The following GALNTL6 variants were observed in gnomAD, a reference collection of about 807,000 sequenced individuals.
GALNTL6 encodes the protein polypeptide N-acetylgalactosaminyltransferase-like 6.
In GALNTL6, 46 loss-of-function variants were observed where a neutral mutation model predicts 73.7. That is an observed-to-expected ratio of 0.62 (90% CI 0.49 to 0.80). The LOEUF (loss-of-function observed/expected upper bound fraction) is 0.80, where lower values mean the gene tolerates loss of function less well. Ranked by LOEUF, GALNTL6 falls within the 30% of genes least tolerant of loss-of-function variation. GALNTL6 has a pLI of 0.00. For synonymous variants in GALNTL6, 259 were observed against 263.7 expected (o/e 0.98, Z 0.17); for missense variants, 604 against 755.0 (o/e 0.80, Z 2.34).
chr4:172,436,442 C>T (rs1037181267), intron 5 of GALNTL6, among the ~76,000 whole-genome samples: 3 of 152,072 alleles, frequency 2.0e-5, no homozygotes, highest in African/African-American at 7.2e-5. Context: ...CCAGGAGACA[C>T]CTGGGGGAGA....
intron 2 of GALNTL6, among the ~76,000 whole-genome samples, chr4:172,143,939 C>T (rs1733863318): frequency 6.6e-6 from 1 of 151,978 alleles, no homozygotes; most frequent in African/African-American, 2.4e-5. Flanking sequence ...TGGATTTTAT[C>T]TGTTATAAAT....
intron 5 of GALNTL6, among the ~76,000 whole-genome samples, chr4:172,662,344 C>T (rs113367089): frequency 0.013 from 2,024 of 152,302 alleles, 40 homozygotes; most frequent in African/African-American, 0.045. Flanking sequence ...CTGCCCTTCC[C>T]TAACCCCATG....
At chr4:172,009,184 A>G (rs966680594) in intron 2 of GALNTL6, among the ~76,000 whole-genome samples, 7 of 152,088 alleles carry the variant, frequency 4.6e-5, no homozygotes, top group African/African-American at 1.7e-4. Context: ...GCTAGTTTAT[A>G]TTATTATGCC....
intron 7 of GALNTL6, among the ~76,000 whole-genome samples, chr4:172,867,403 C>T (rs377685913): frequency 6.6e-6 from 1 of 152,084 alleles, no homozygotes; most frequent in South Asian, 2.1e-4. Context: ...GTCAGAAAAC[C>T]GAAGAGGGCT....
At chr4:172,363,732 A>T (rs1326144074) in intron 5 of GALNTL6, among the ~76,000 whole-genome samples, 2 of 152,172 alleles carry the variant, frequency 1.3e-5, no homozygotes, top group Non-Finnish European at 2.9e-5. Flanking sequence ...ATATTCACCC[A>T]TTTGCTCATC....
At chr4:171,835,937 C>T (rs1419753452) in intron 2 of GALNTL6, among the ~76,000 whole-genome samples, 1 of 151,810 alleles carries the variant, frequency 6.6e-6, no homozygotes, top group Non-Finnish European at 1.5e-5. Context: ...AGATAGGGTG[C>T]AATCAATTGA....
rs978799106 is a variant in GALNTL6, at chr4:172,979,118, A to G, written c.1371+26860A>G. 1.2e-4 allele frequency among the ~76,000 whole-genome samples: 19 copies of G among 152,372 alleles called. No individual in the cohort carries two copies. In the East Asian group the frequency reaches 3.5e-3, roughly 28 times the overall value. Reference sequence around the variant, plus strand: ...TACTAATAGTGGGTGTTGGTAGTACAAATATTTGCACATCCAAATTAATGG... The same window carrying G: ...TACTAATAGTGGGTGTTGGTAGTACGAATATTTGCACATCCAAATTAATGG... On this transcript the variant is annotated intron_variant, in intron 10 of 12. Transcript: ENST00000506823.
chr4:172,355,670 T>G (rs1028543172), intron 5 of GALNTL6, among the ~76,000 whole-genome samples: 1 of 152,136 alleles, frequency 6.6e-6, no homozygotes, highest in Non-Finnish European at 1.5e-5. Context: ...GTTTTCTGAC[T>G]TAGTTAATTT....
At chr4:172,785,629 A>G (rs1317905527) in intron 5 of GALNTL6, among the ~76,000 whole-genome samples, 8 of 152,178 alleles carry the variant, frequency 5.3e-5, no homozygotes, top group Admixed American at 5.2e-4. Flanking sequence ...ATATCAGATT[A>G]TCATAAGAGT....
chr4:172,140,979 T>G (rs1173721400), intron 2 of GALNTL6, among the ~76,000 whole-genome samples: 1 of 152,060 alleles, frequency 6.6e-6, no homozygotes, highest in African/African-American at 2.4e-5. Flanking sequence ...AGGATAAAGG[T>G]GTAGCAAGTC....
intron 5 of GALNTL6, among the ~76,000 whole-genome samples, chr4:172,432,022 C>T (rs1438619635): frequency 6.6e-6 from 1 of 152,006 alleles, no homozygotes; most frequent in Non-Finnish European, 1.5e-5. Context: ...GTAGGGCTGC[C>T]ATTTTACTAA....
At chr4:172,725,709 C>T (rs1446467902) in intron 5 of GALNTL6, among the ~76,000 whole-genome samples, 1 of 152,070 alleles carries the variant, frequency 6.6e-6, no homozygotes, top group Non-Finnish European at 1.5e-5. Flanking sequence ...TTAAAGAGGT[C>T]TGGATTTGGT....
chr4:172,552,650 A>G (rs142418275), intron 5 of GALNTL6, among the ~76,000 whole-genome samples: 1 of 152,058 alleles, frequency 6.6e-6, no homozygotes, highest in East Asian at 1.9e-4. Context: ...TAGGTCATGC[A>G]CAAATTGTTT....
chr4:172,482,190 C>A (rs1733511825), intron 5 of GALNTL6, among the ~76,000 whole-genome samples: 1 of 152,216 alleles, frequency 6.6e-6, no homozygotes, highest in Non-Finnish European at 1.5e-5. Context: ...GAGCCCACAC[C>A]CACCCGGAAC....
intron 10 of GALNTL6, among the ~76,000 whole-genome samples, chr4:172,979,507 T>C (rs987863155): frequency 1.7e-4 from 26 of 152,244 alleles, no homozygotes; most frequent in African/African-American, 5.3e-4. Context: ...ATATCTAGCG[T>C]ATACCTTAGT....
chr4:172,579,437 T>A (rs188253345), intron 5 of GALNTL6, among the ~76,000 whole-genome samples: 162 of 152,304 alleles, frequency 1.1e-3, no homozygotes, highest in Non-Finnish European at 2.1e-3. Context: ...AAAGTAAGCC[T>A]TCCACATAGT....
intron 2 of GALNTL6, among the ~76,000 whole-genome samples, chr4:172,057,091 A>T (rs1731038275): frequency 6.6e-6 from 1 of 152,082 alleles, no homozygotes. Context: ...TGCCTAATGT[A>T]TGTTACTTAT....
At chr4:172,720,151 G>A (rs28515829) in intron 5 of GALNTL6, among the ~76,000 whole-genome samples, 2,249 of 152,160 alleles carry the variant, frequency 0.015, 64 homozygotes, top group African/African-American at 0.052. Context: ...ATGCAGCTCC[G>A]TAGGTTTCAG....
At chr4:172,419,378 C>G (rs997925045) in intron 5 of GALNTL6, among the ~76,000 whole-genome samples, 1 of 152,070 alleles carries the variant, frequency 6.6e-6, no homozygotes, top group Non-Finnish European at 1.5e-5. Context: ...GAGCAGAGTG[C>G]CTGGGGCACA....
Sources: gnomAD v4.1 joint callset for allele counts (sites outside exome capture counted in the v4.1 genomes callset) on GRCh38, gnomAD v4.1.1 for gene constraint, MANE v1.5 for transcripts, NCBI Gene and HGNC (gene_info 2026-07-23, HGNC 2026-07-21) for gene names.